Variants in DGKB observed in about 807,000 individuals in gnomAD.
DGKB encodes the protein diacylglycerol kinase beta.
DGKB carries 67 observed loss-of-function variants against 114.3 expected under a neutral mutation model. The ratio of observed to expected loss-of-function variants is 0.59; its 90% CI spans 0.48 to 0.72. The LOEUF is 0.72. Ranked by LOEUF, DGKB falls within the 30% of genes least tolerant of loss-of-function variation. The pLI is 0.00. For synonymous variants in DGKB, 398 were observed against 323.1 expected (o/e 1.23, Z -2.49); for missense variants, 907 against 975.2 (o/e 0.93, Z 0.93).
chr7:14,354,589 G>C (rs1254739011), intron 21 of DGKB, among the ~76,000 whole-genome samples: 3 of 152,092 alleles, frequency 2.0e-5, no homozygotes, highest in Admixed American at 2.0e-4. Context: ...TTGAGATCAA[G>C]TGCTATAAAG....
At chr7:14,317,489 C>A (rs1806810968) in intron 23 of DGKB, among the ~76,000 whole-genome samples, 1 of 151,788 alleles carries the variant, frequency 6.6e-6, no homozygotes, top group Non-Finnish European at 1.5e-5. Flanking sequence ...TATACACCAA[C>A]CACAGACAAA....
chr7:14,703,782 C>T (rs1825644735), intron 6 of DGKB, among the ~76,000 whole-genome samples: 1 of 152,178 alleles, frequency 6.6e-6, no homozygotes, highest in South Asian at 2.1e-4. Context: ...CTACCTCTCC[C>T]AGTGATTCTG....
chr7:14,621,161 G>T (rs1807567344), intron 15 of DGKB: 1 of 429,310 alleles, frequency 2.3e-6, no homozygotes. Context: ...GAGTTTAAAT[G>T]GAGATAAAAT....
chr7:14,972,355 C>CA (rs1282358168), intron 1 of DGKB, among the ~76,000 whole-genome samples: 1 of 152,012 alleles, frequency 6.6e-6, no homozygotes, highest in African/African-American at 2.4e-5. Context: ...TTGTGACTAA[C>CA]AGAGATTATG....
chr7:14,698,053 C>A (rs1279009982), intron 8 of DGKB, 42 bp downstream of exon 8: 14 of 1,055,082 alleles, frequency 1.3e-5, no homozygotes, highest in Non-Finnish European at 1.7e-5. Context: ...AGAAAGAGGC[C>A]TTCCAGAATT....
chr7:14,704,465 GAAAAAAGA>G (rs1825814749), intron 6 of DGKB, among the ~76,000 whole-genome samples: 1 of 140,922 alleles, frequency 7.1e-6, no homozygotes, highest in Non-Finnish European at 1.5e-5. Context: ...AAAAAAAAAA[GAAAAAAGA>G]AAAAAAGGGG....
intron 23 of DGKB, among the ~76,000 whole-genome samples, chr7:14,229,038 T>G (rs550783460): frequency 6.6e-6 from 1 of 152,080 alleles, no homozygotes; most frequent in Admixed American, 6.6e-5. Flanking sequence ...ACAAAACCAA[T>G]GTATATGTAT....
chr7:14,833,504 T>C (rs540023982), intron 2 of DGKB, among the ~76,000 whole-genome samples: 4 of 152,248 alleles, frequency 2.6e-5, no homozygotes, highest in African/African-American at 9.6e-5. Flanking sequence ...AGGATTTGGA[T>C]TTTAACATCT....
intron 17 of DGKB, among the ~76,000 whole-genome samples, chr7:14,591,359 C>T (rs1801678315): frequency 6.6e-6 from 1 of 151,986 alleles, no homozygotes; most frequent in Admixed American, 6.6e-5. Context: ...TTTATTTGCA[C>T]CATTTTATTA....
intron 5 of DGKB, among the ~76,000 whole-genome samples, chr7:14,719,224 G>A (rs548272315): frequency 5.9e-5 from 9 of 152,236 alleles, no homozygotes; most frequent in African/African-American, 2.2e-4. Flanking sequence ...CCAGGAGTAA[G>A]AATAAAGAGA....
chr7:14,234,492 A>G (rs1003937259), intron 23 of DGKB, among the ~76,000 whole-genome samples: 1 of 152,104 alleles, frequency 6.6e-6, no homozygotes, highest in African/African-American at 2.4e-5. Context: ...TTTGTTACAA[A>G]TATTTTTCCA....
rs1825203744 is a variant in DGKB at position 14,701,663 on chromosome 7, T to G, written c.516+18A>C. 3.8e-6 allele frequency: 6 copies of G among 1,589,412 alleles called. No individual in the cohort carries two copies. The highest frequency in any genetic ancestry group is 1.7e-4 in the Middle Eastern group (1 of 6,000). Reference sequence around the variant, plus strand: ...AAATCTTTGAAGTTTTCACAGAAACTTTGAAGAAAAAAATTACCGAGCTGT... The same window carrying G: ...AAATCTTTGAAGTTTTCACAGAAACGTTGAAGAAAAAAATTACCGAGCTGT... On this transcript the variant is annotated intron_variant, in intron 7 of 25. Transcript: ENST00000402815.
At position 14,268,526 on chromosome 7, in the gene DGKB, A is replaced by C. The variant is rs538386532; in HGVS notation, c.2122+69989T>G. The stretch of plus-strand genomic sequence containing the variant: ...AGAGTTCTCAGAATAACAATGTAAA[A>C]GCACATGAGAAATTCTTCTTTCATT... On this transcript the variant is annotated intron_variant, in intron 23 of 25. Coordinates refer to ENST00000402815, the MANE Select transcript of DGKB (RefSeq NM_001350709.2). Among the ~76,000 whole-genome samples the C allele has an allele frequency of 2.6e-5, 4 of 152,338 alleles. No homozygotes were observed. In the South Asian group the frequency reaches 8.3e-4, roughly 32 times the overall value.
chr7:14,752,008 C>T (rs1156614878), intron 4 of DGKB, among the ~76,000 whole-genome samples: 1 of 152,202 alleles, frequency 6.6e-6, no homozygotes, highest in South Asian at 2.1e-4. Flanking sequence ...AGAACCTAAC[C>T]CTTTTAACAG....
intron 23 of DGKB, among the ~76,000 whole-genome samples, chr7:14,309,034 G>C (rs140664853): frequency 4.6e-5 from 7 of 152,110 alleles, no homozygotes; most frequent in African/African-American, 1.7e-4. Flanking sequence ...TCGGCAACAT[G>C]GTAAGGCCTC....
intron 23 of DGKB, among the ~76,000 whole-genome samples, chr7:14,215,554 A>G (rs1788815918): frequency 6.6e-6 from 1 of 152,298 alleles, no homozygotes; most frequent in East Asian, 1.9e-4. Flanking sequence ...CAATTAGCAT[A>G]CAAATGTTTT....
At chr7:14,416,124 T>C (rs1825696014) in intron 21 of DGKB, among the ~76,000 whole-genome samples, 1 of 152,142 alleles carries the variant, frequency 6.6e-6, no homozygotes, top group African/African-American at 2.4e-5. Context: ...GGTTGTTTGT[T>C]TTTTTCTTGT....
At chr7:14,693,015 CACAG>C (rs1377828484) in intron 9 of DGKB, among the ~76,000 whole-genome samples, 40 of 152,076 alleles carry the variant, frequency 2.6e-4, no homozygotes, top group Non-Finnish European at 8.8e-5. Flanking sequence ...GTTTCACAAA[CACAG>C]ACAGTAAGTT....
At chr7:14,721,593 G>T (rs1829180571) in intron 5 of DGKB, among the ~76,000 whole-genome samples, 1 of 152,000 alleles carries the variant, frequency 6.6e-6, no homozygotes, top group South Asian at 2.1e-4. Context: ...GAATATTAAA[G>T]CTGTATCACA....
Sources: allele counts gnomAD v4.1 joint callset (sites outside exome capture counted in the v4.1 genomes callset), GRCh38; gene constraint gnomAD v4.1.1; transcripts MANE v1.5; gene names NCBI Gene and HGNC (gene_info 2026-07-23, HGNC 2026-07-21).